ST8SIA3: variants seen among roughly 807,000 people sequenced by gnomAD.
ST8SIA3 encodes ST8 alpha-N-acetyl-neuraminide alpha-2,8-sialyltransferase 3, also known as alpha-N-acetylneuraminate alpha-2,8-sialyltransferase ST8SIA3.
In ST8SIA3, 17 loss-of-function variants were observed where a neutral mutation model predicts 34.5. The ratio of observed to expected loss-of-function variants is 0.49; its 90% CI spans 0.34 to 0.74. The LOEUF (loss-of-function observed/expected upper bound fraction) is 0.74, where lower values mean the gene tolerates loss of function less well. Ranked by LOEUF, ST8SIA3 falls within the 30% of genes least tolerant of loss-of-function variation. The probability of loss-of-function intolerance (pLI) is 0.01; values close to 1 mark genes in which losing one functional copy is unlikely to be tolerated. For synonymous variants in ST8SIA3, 172 were observed against 176.1 expected (o/e 0.98, Z 0.19); for missense variants, 354 against 467.8 (o/e 0.76, Z 2.24).
chr18:57,356,593 T>C (rs907544825), intron 2 of ST8SIA3, among the ~76,000 whole-genome samples: 14 of 152,230 alleles, frequency 9.2e-5, no homozygotes, highest in African/African-American at 3.4e-4. Flanking sequence ...CTGTATTTTC[T>C]GACACAATTT....
chr18:57,352,935 A>C lies in ST8SIA3; in HGVS notation c.89A>C (p.Tyr30Ser), dbSNP rs1224027984. The C allele has an allele frequency of 6.2e-7, 1 of 1,613,576 alleles. No individual in the cohort carries two copies. Among genetic ancestry groups the C allele is most frequent in the African/African-American group, 1.3e-5 (1 of 74,904 alleles). Reference sequence around the variant, plus strand: ...CTGCTGATTTTATCGCTCATCAGCTACGTGTCCCTGAAAAAGGAGAACATC... The same window carrying C: ...CTGCTGATTTTATCGCTCATCAGCTCCGTGTCCCTGAAAAAGGAGAACATC... Reference protein sequence around the residue: ...VALLILSLISYVSLKKENIFT... With the variant: ...VALLILSLISSVSLKKENIFT... Residue 30 changes from tyrosine (Y) to serine (S), a missense_variant, in exon 1 of 4, where the codon TAC (tyrosine) becomes TCC (serine). Tyr to Ser is a moderately radical substitution (Grantham distance 144). Around this residue, in one of 3 missense-constraint regions of ST8SIA3, gnomAD observed 184 missense variants for 205.4 expected, o/e 0.90. Coordinates refer to ENST00000324000, the MANE Select transcript of ST8SIA3 (RefSeq NM_015879.3).
At position 57,368,408 on chromosome 18, in the gene ST8SIA3, G is replaced by C. The variant is rs528752135; in HGVS notation, c.*8131G>C. The stretch of plus-strand genomic sequence containing the variant: ...AAGTTATTAAATAAATGAGCAAGAA[G>C]TATGTGTCAGGGAAAATAAATGCTT... On this transcript the variant is annotated 3_prime_UTR_variant, in exon 4 of 4. Transcript: ENST00000324000. 6 of 152,208 alleles carry C rather than the reference G, an allele frequency of 3.9e-5. No homozygotes were observed. The highest frequency in any genetic ancestry group is 8.8e-5 in the Non-Finnish European group (6 of 68,034). 9.4% of individuals were successfully genotyped at this position (152,208 alleles called of 1,614,324 possible).
Position 57,364,915 on chromosome 18 carries a change from T to C in ST8SIA3, c.*4638T>C, listed in dbSNP as rs1408278529. ...ATGACTGATTGAAGACATATGTGTATGAATAGATGTTCCTCAGTGAAGCCT... is the reference window on the plus strand; with the variant it reads ...ATGACTGATTGAAGACATATGTGTACGAATAGATGTTCCTCAGTGAAGCCT... On this transcript the variant is annotated 3_prime_UTR_variant, in exon 4 of 4. Coordinates refer to ENST00000324000, the MANE Select transcript of ST8SIA3 (RefSeq NM_015879.3). 1 of 152,356 alleles carries C rather than the reference T, an allele frequency of 6.6e-6. No individual in the cohort carries two copies. The highest frequency in any genetic ancestry group is 1.5e-5 in the Non-Finnish European group (1 of 68,056). The allele number at this position is 152,356 out of a possible 1,614,324, so 9.4% of individuals were successfully genotyped here. A position where few individuals can be genotyped will look rare whatever the true frequency, so the allele number is the denominator to read the frequency against.
rs2049823166 is a variant in ST8SIA3, at chr18:57,360,250, C to G, written c.1116C>G (p.Thr372=). 1 of 1,613,880 alleles carries G rather than the reference C, an allele frequency of 6.2e-7. No homozygotes were observed. The part of the protein sequence containing the change: ...LLYRMHGEGL[T]KLTLSHCA ...ACCGAATGCATGGGGAAGGGCTCAC[C>G]AAGCTGACTCTGTCACACTGTGCCT... The change falls in exon 4 of 4, where the codon ACC becomes ACG. Residue 372 remains threonine, a synonymous_variant. Transcript: ENST00000324000.
In ST8SIA3 at chr18:57,360,289, G is replaced by A. The variant is rs567281628; in HGVS notation, c.*12G>A. ...CACACTGTGCCTAAGAACTCCAAAC[G>A]GAAAGCGCCAAATGGCTGTTTAAAA... On this transcript the variant is annotated 3_prime_UTR_variant, in exon 4 of 4. Transcript: ENST00000324000. The A allele has an allele frequency of 9.1e-5, 146 of 1,608,222 alleles. No individual in the cohort carries two copies. Among genetic ancestry groups the A allele is most frequent in the South Asian group, 1.9e-4 (17 of 90,764 alleles).
Position 57,354,427 on chromosome 18 carries a change from G to C in ST8SIA3, c.205G>C (p.Asp69His), listed in dbSNP as rs2049786485. The change falls in exon 2 of 4, where the codon GAC becomes CAC. Residue 69 changes from aspartate (D) to histidine (H), a missense_variant. Asp to His is a moderately conservative substitution (Grantham distance 81, BLOSUM62 -1). Coordinates refer to ENST00000324000, the MANE Select transcript of ST8SIA3 (RefSeq NM_015879.3). ...FRSQFALKFL[D>H]PSFVPITNSL... ...GTCACAATTTGCGCTGAAGTTTCTA[G>C]ACCCGTCATTCGTGCCCATTACGAA... 4.3e-6 allele frequency: 7 copies of C among 1,614,040 alleles called. No individual in the cohort carries two copies. The highest frequency in any genetic ancestry group is 1.3e-5 in the African/African-American group (1 of 74,930).
Position 57,356,917 on chromosome 18 carries a change from G to C in ST8SIA3, c.307G>C (p.Glu103Gln), listed in dbSNP as rs751856754. The C allele has an allele frequency of 6.3e-7, 1 of 1,581,136 alleles. No individual in the cohort carries two copies. ...ATGAATTTCTTTTTATTTTAGGCAAGAAATTCTTCAGCATGTCGATGTAAT... is the reference window on the plus strand; with the variant it reads ...ATGAATTTCTTTTTATTTTAGGCAACAAATTCTTCAGCATGTCGATGTAAT... ...NRTAFLHQRQ[E>Q]ILQHVDVIKN... The change falls in exon 3 of 4, where the codon GAA becomes CAA. Residue 103 changes from glutamate to glutamine, a missense_variant. By Grantham distance (29) the Glu-to-Gln change is conservative (BLOSUM62 2). Transcript: ENST00000324000.
rs1294574654 is a variant in ST8SIA3, at chr18:57,363,017, T to A, written c.*2740T>A. On this transcript the variant is annotated 3_prime_UTR_variant, in exon 4 of 4. Transcript: ENST00000324000. Reference sequence around the variant, plus strand: ...TCCTCCTCTTTCAGCTACAGACACATGCCCTGGCTTTTGCATTGACCTTGC... The same window carrying A: ...TCCTCCTCTTTCAGCTACAGACACAAGCCCTGGCTTTTGCATTGACCTTGC... 1 of 152,284 alleles carries A rather than the reference T, an allele frequency of 6.6e-6. No individual in the cohort carries two copies. Among genetic ancestry groups the A allele is most frequent in the Non-Finnish European group, 1.5e-5 (1 of 68,118 alleles). The allele number at this position is 152,284 out of a possible 1,614,324, so 9.4% of individuals were successfully genotyped here.
rs778884404 is a variant in ST8SIA3 at position 57,352,815 on chromosome 18, C to T, written c.-32C>T. Reference sequence around the variant, plus strand: ...TGCTGGCCGCTCAATGGACCGATTTCCCCGGTTTCCCTGAACCCAGCCCAG... The same window carrying T: ...TGCTGGCCGCTCAATGGACCGATTTTCCCGGTTTCCCTGAACCCAGCCCAG... On this transcript the variant is annotated 5_prime_UTR_variant, in exon 1 of 4. Coordinates refer to ENST00000324000, the MANE Select transcript of ST8SIA3 (RefSeq NM_015879.3). The T allele has an allele frequency of 6.9e-6, 11 of 1,604,404 alleles. No individual in the cohort carries two copies. Among genetic ancestry groups the T allele is most frequent in the Non-Finnish European group, 8.5e-6 (10 of 1,173,876 alleles).
rs1157975894 is a variant in ST8SIA3, at chr18:57,362,749, T to G, written c.*2472T>G. 1.3e-5 allele frequency: 2 copies of G among 152,250 alleles called. No homozygotes were observed. The highest frequency in any genetic ancestry group is 2.9e-5 in the Non-Finnish European group (2 of 68,042). The allele number at this position is 152,250 out of a possible 1,614,324, so 9.4% of individuals were successfully genotyped here. On this transcript the variant is annotated 3_prime_UTR_variant, in exon 4 of 4. Coordinates refer to ENST00000324000, the MANE Select transcript of ST8SIA3 (RefSeq NM_015879.3). ...GCTTATAAGGAGGACTTCCTGGAGA[T>G]GATCCCAATAGATCACCCTTCACTT...
chr18:57,352,569 CGCCGCGCA>C lies in ST8SIA3; in HGVS notation c.-274_-267del. ...GGCGCTGCGCGCTCCTTCGCCACGC[CGCCGCGCA>C]GCCCCTCCATCTTCCTGCTCGGCAC... On this transcript the variant is annotated 5_prime_UTR_variant, in exon 1 of 4. Transcript: ENST00000324000. 1 of 420,748 alleles carries C rather than the reference CGCCGCGCA, an allele frequency of 2.4e-6. No individual in the cohort carries two copies. Among genetic ancestry groups the C allele is most frequent in the Non-Finnish European group, 4.4e-6 (1 of 228,946 alleles). The allele number at this position is 420,748 out of a possible 1,614,324, so 26.1% of individuals were successfully genotyped here.
In ST8SIA3 at chr18:57,368,486, T is replaced by A. The variant is rs982540581; in HGVS notation, c.*8209T>A. On this transcript the variant is annotated 3_prime_UTR_variant, in exon 4 of 4. Coordinates refer to ENST00000324000, the MANE Select transcript of ST8SIA3 (RefSeq NM_015879.3). ...GCCCGCTCACCCCGTCACTCAACACTTGATGCATTTGTTTTGGAAAGTGCC... is the reference window on the plus strand; with the variant it reads ...GCCCGCTCACCCCGTCACTCAACACATGATGCATTTGTTTTGGAAAGTGCC... 1 of 152,206 alleles carries A rather than the reference T, an allele frequency of 6.6e-6. No individual in the cohort carries two copies. Among genetic ancestry groups the A allele is most frequent in the Non-Finnish European group, 1.5e-5 (1 of 68,034 alleles). 9.4% of individuals were successfully genotyped at this position (152,206 alleles called of 1,614,324 possible). A position where few individuals can be genotyped will look rare whatever the true frequency, so the allele number is the denominator to read the frequency against.
At chr18:57,355,010 G>C (rs756040823) in intron 2 of ST8SIA3, among the ~76,000 whole-genome samples, 4 of 152,124 alleles carry the variant, frequency 2.6e-5, no homozygotes, top group Non-Finnish European at 5.9e-5. Flanking sequence ...CAAATTACTC[G>C]TGAAAATGCT....
At chr18:57,354,262 C>G in intron 1 of ST8SIA3, 140 bp from the exon 2 acceptor site, 3 of 1,049,342 alleles carry the variant, frequency 2.9e-6, no homozygotes, top group Non-Finnish European at 4.2e-6. Context: ...AGAGGGTGGA[C>G]CAAATGAGAG....
In ST8SIA3 at chr18:57,354,414, G is replaced by T. The variant is rs563904315; in HGVS notation, c.192G>T (p.Ala64=). 6.2e-7 allele frequency: 1 copy of T among 1,613,940 alleles called. No individual in the cohort carries two copies. Among genetic ancestry groups the T allele is most frequent in the East Asian group, 2.2e-5 (1 of 44,874 alleles). Reference sequence around the variant, plus strand: ...TGCTCCTCTCCAGGTCACAATTTGCGCTGAAGTTTCTAGACCCGTCATTCG... The same window carrying T: ...TGCTCCTCTCCAGGTCACAATTTGCTCTGAAGTTTCTAGACCCGTCATTCG... ...MFHAGFRSQF[A]LKFLDPSFVP... Residue 64 remains alanine, a synonymous_variant, in exon 2 of 4, where the codon GCG becomes GCT. Coordinates refer to ENST00000324000, the MANE Select transcript of ST8SIA3 (RefSeq NM_015879.3).
rs1001779293 is a variant in ST8SIA3, at chr18:57,360,287, A to G, written c.*10A>G. The G allele has an allele frequency of 1.2e-6, 2 of 1,608,930 alleles. No homozygotes were observed. Among genetic ancestry groups the G allele is most frequent in the Admixed American group, 3.4e-5 (2 of 59,666 alleles). ...GTCACACTGTGCCTAAGAACTCCAA[A>G]CGGAAAGCGCCAAATGGCTGTTTAA... On this transcript the variant is annotated 3_prime_UTR_variant, in exon 4 of 4. Transcript: ENST00000324000.
In ST8SIA3 at chr18:57,368,734, G is replaced by A. The variant is rs2049875035; in HGVS notation, c.*8457G>A. ...ACTGAGGAACTTGTAAATATCTTCT[G>A]CTTTCTTGGTGAACAAGGACAGAGG... is the stretch of plus-strand genomic sequence containing the variant. On this transcript the variant is annotated 3_prime_UTR_variant, in exon 4 of 4. Coordinates refer to ENST00000324000, the MANE Select transcript of ST8SIA3 (RefSeq NM_015879.3). The A allele has an allele frequency of 1.3e-5, 2 of 152,218 alleles. No individual in the cohort carries two copies. Among genetic ancestry groups the A allele is most frequent in the Non-Finnish European group, 2.9e-5 (2 of 68,024 alleles). 9.4% of individuals were successfully genotyped at this position (152,218 alleles called of 1,614,324 possible).
Position 57,361,244 on chromosome 18 carries a change from A to AC in ST8SIA3, c.*967_*968insC, listed in dbSNP as rs2049828747. 6.6e-6 allele frequency: 1 copy of AC among 152,252 alleles called. No individual in the cohort carries two copies. The highest frequency in any genetic ancestry group is 6.5e-5 in the Admixed American group (1 of 15,284). 9.4% of individuals were successfully genotyped at this position (152,252 alleles called of 1,614,324 possible). The stretch of plus-strand genomic sequence containing the variant: ...GAATATAGAGGCAATGAATCAGCTT[A>AC]AGACCCTGGGACACACAAAGGAAAA... On this transcript the variant is annotated 3_prime_UTR_variant, in exon 4 of 4. Transcript: ENST00000324000.
rs1480956529 is a variant in ST8SIA3, at chr18:57,368,561, G to A, written c.*8284G>A. On this transcript the variant is annotated 3_prime_UTR_variant, in exon 4 of 4. Coordinates refer to ENST00000324000, the MANE Select transcript of ST8SIA3 (RefSeq NM_015879.3). ...GAAAACTTCCCTCTTTCCCAACTCT[G>A]TCAGAAGTTCTCTTGCTCTTTGGAA... The A allele has an allele frequency of 3.3e-5, 5 of 152,190 alleles. No homozygotes were observed. The highest frequency in any genetic ancestry group is 7.2e-5 in the African/African-American group (3 of 41,440). 9.4% of individuals were successfully genotyped at this position (152,190 alleles called of 1,614,324 possible). A position where few individuals can be genotyped will look rare whatever the true frequency, so the allele number is the denominator to read the frequency against.
Sources: gnomAD v4.1 joint callset for allele counts (sites outside exome capture counted in the v4.1 genomes callset) on GRCh38, gnomAD v4.1.1 for gene constraint, gnomAD v4.1.1 regional missense constraint, MANE v1.5 for transcripts, NCBI Gene and HGNC (gene_info 2026-07-23, HGNC 2026-07-21) for gene names.